The following NIF3L1 variants were observed in gnomAD, a reference collection of about 807,000 sequenced individuals.
The protein encoded by NIF3L1 is NIF3-like protein 1.
Under a neutral mutation model 35.0 loss-of-function variants are expected in NIF3L1, and 26 were observed. That is an observed-to-expected ratio of 0.74 (90% confidence interval 0.54 to 1.03). The LOEUF is 1.03. Ranked by LOEUF, NIF3L1 falls within the 50% of genes least tolerant of loss-of-function variation. The pLI, the probability that NIF3L1 is intolerant of heterozygous loss-of-function variation, is 0.00. For missense variants in NIF3L1, 449 were observed against 466.3 expected (o/e 0.96, Z 0.34); for synonymous variants, 157 against 178.9 (o/e 0.88, Z 0.98).
At chr2:200,899,139 GTT>G in intron 5 of NIF3L1, 1 of 368,190 alleles carries the variant, frequency 2.7e-6, no homozygotes, top group South Asian at 6.4e-5. Flanking sequence ...TACAAAGGTT[GTT>G]GAAAAAAAAA....
At chr2:200,889,735 G>T (rs1234409376) in intron 1 of NIF3L1, 83 bp downstream of exon 1, 2 of 152,424 alleles carry the variant, frequency 1.3e-5, no homozygotes, top group Non-Finnish European at 2.9e-5. Context: ...CTCTAGGACG[G>T]GAGTTGTTTC....
chr2:200,891,104 G>A (rs1287539122), intron 1 of NIF3L1, among the ~76,000 whole-genome samples: 2 of 152,050 alleles, frequency 1.3e-5, no homozygotes, highest in Non-Finnish European at 2.9e-5. Context: ...GACTACAGGT[G>A]CACACCACCA....
At chr2:200,899,595 T>A (rs1275735698) in intron 6 of NIF3L1, 127 bp downstream of exon 6, 5 of 623,294 alleles carry the variant, frequency 8.0e-6, no homozygotes, top group African/African-American at 1.8e-5. Flanking sequence ...AAACAGAAAC[T>A]ACAACAGAAC....
intron 3 of NIF3L1, 98 bp from the exon 4 acceptor site, chr2:200,895,166 C>T: frequency 8.5e-7 from 1 of 1,179,998 alleles, no homozygotes; most frequent in Non-Finnish European, 1.2e-6. Context: ...CTTGGTTCCA[C>T]ATAAATCTAA....
In NIF3L1 at chr2:200,892,127, C is replaced by T. The variant is rs1328584229; in HGVS notation, c.184C>T (p.His62Tyr). 2 of 1,614,210 alleles carry T rather than the reference C, an allele frequency of 1.2e-6. No homozygotes were observed. The highest frequency in any genetic ancestry group is 1.7e-5 in the Admixed American group (1 of 60,018). ...ATTACTGGTGGAACCAAGCCCACCA[C>T]ATACTGTAAATACACTCTTCCTGAC... Reference protein sequence around the residue: ...VGLLVEPSPPHTVNTLFLTND... With the variant: ...VGLLVEPSPPYTVNTLFLTND... The change falls in exon 2 of 7, where the codon CAT becomes TAT. Residue 62 changes from histidine to tyrosine, a missense_variant. Transcript: ENST00000409020.
At position 200,903,722 on chromosome 2, in the gene NIF3L1, G is replaced by A; in HGVS notation, c.*44G>A. ...AACACATTCTACAAATCAGCTGGAT[G>A]CCAACTTAAATTTGTAACATGAGTC... On this transcript the variant is annotated 3_prime_UTR_variant, in exon 7 of 7. Transcript: ENST00000409020. 1 of 1,523,466 alleles carries A rather than the reference G, an allele frequency of 6.6e-7. No individual in the cohort carries two copies. The highest frequency in any genetic ancestry group is 2.2e-5 in the East Asian group (1 of 44,464). The allele number at this position is 1,523,466 out of a possible 1,614,324, so 94.4% of individuals were successfully genotyped here.
chr2:200,903,664 C>T lies in NIF3L1; in HGVS notation c.1120C>T (p.Leu374Phe). Residue 374 changes from leucine (L) to phenylalanine (F), a missense_variant, in exon 7 of 7, where the codon CTT (leucine) becomes TTT (phenylalanine). Physicochemically the swap from Leu to Phe is conservative, Grantham distance 22. Coordinates refer to ENST00000409020, the MANE Select transcript of NIF3L1 (RefSeq NM_001369441.2). ...CCTATCAGAGACTGACAGGGACCCT[C>T]TTCAGGTGGTATAATTGCAGAAACA... ...IILSETDRDP[L>F]QVV is the part of the protein sequence containing the mutation. The T allele has an allele frequency of 1.2e-6, 2 of 1,612,964 alleles. No individual in the cohort carries two copies. Among genetic ancestry groups the T allele is most frequent in the South Asian group, 2.2e-5 (2 of 91,064 alleles).
chr2:200,897,556 C>T (rs1399987080), intron 5 of NIF3L1, among the ~76,000 whole-genome samples: 1 of 152,090 alleles, frequency 6.6e-6, no homozygotes, highest in African/African-American at 2.4e-5. Flanking sequence ...TTCTGCTCAA[C>T]TCATTTTCCA....
At position 200,903,707 on chromosome 2, in the gene NIF3L1, A is replaced by G. The variant is rs1189838561; in HGVS notation, c.*29A>G. ...CAGAAACATCAGGATAACACATTCT[A>G]CAAATCAGCTGGATGCCAACTTAAA... On this transcript the variant is annotated 3_prime_UTR_variant, in exon 7 of 7. Coordinates refer to ENST00000409020, the MANE Select transcript of NIF3L1 (RefSeq NM_001369441.2). 6.3e-7 allele frequency: 1 copy of G among 1,585,700 alleles called. No homozygotes were observed. Among genetic ancestry groups the G allele is most frequent in the Non-Finnish European group, 8.7e-7 (1 of 1,154,202 alleles).
chr2:200,903,438 T>G, intron 6 of NIF3L1, 56 bp from the exon 7 acceptor site: 1 of 1,432,852 alleles, frequency 7.0e-7, no homozygotes. Context: ...TTGTGTTTCC[T>G]CATTCCACAG....
chr2:200,899,617 T>C (rs2040379502), intron 6 of NIF3L1, 149 bp downstream of exon 6: 5 of 591,036 alleles, frequency 8.5e-6, no homozygotes, highest in South Asian at 4.5e-5. Context: ...GGGGACTTAC[T>C]GCATTCTTTG....
intron 6 of NIF3L1, among the ~76,000 whole-genome samples, chr2:200,901,738 A>G (rs557994370): frequency 2.0e-5 from 3 of 152,108 alleles, no homozygotes; most frequent in Admixed American, 2.0e-4. Flanking sequence ...TTCATTCTCC[A>G]TTTGCTTATT....
chr2:200,903,090 G>A (rs1241639262), intron 6 of NIF3L1, among the ~76,000 whole-genome samples: 2 of 152,094 alleles, frequency 1.3e-5, no homozygotes, highest in Non-Finnish European at 2.9e-5. Flanking sequence ...CAACCTCCAG[G>A]CCCTGGACTG....
intron 3 of NIF3L1, 89 bp downstream of exon 3, chr2:200,893,497 AC>A: frequency 7.8e-7 from 1 of 1,279,170 alleles, no homozygotes; most frequent in Non-Finnish European, 1.1e-6. Flanking sequence ...TAGGCTTGAA[AC>A]AAATAGTTTT....
rs202181176 is a variant in NIF3L1, at chr2:200,893,455, A to G, written c.599+47A>G. On this transcript the variant is annotated intron_variant, in intron 3 of 6. Coordinates refer to ENST00000409020, the MANE Select transcript of NIF3L1 (RefSeq NM_001369441.2). ...TTTTTGTGTGTATTTATTGGTAAGC[A>G]TCTTCCTTACAAAGTCTATAACCCT... The G allele has an allele frequency of 2.6e-4, 413 of 1,577,022 alleles. 1 individual carries two copies. The highest frequency in any genetic ancestry group is 2.5e-3 in the South Asian group (224 of 89,904).
intron 1 of NIF3L1, chr2:200,891,700 G>A: frequency 1.9e-6 from 1 of 536,588 alleles, no homozygotes; most frequent in Non-Finnish European, 3.3e-6. Context: ...CCTCTGGATG[G>A]CCTGTGAAGT....
chr2:200,895,285 A>T lies in NIF3L1; in HGVS notation c.621A>T (p.Thr207=), dbSNP rs767482705. The T allele has an allele frequency of 6.2e-7, 1 of 1,614,036 alleles. No homozygotes were observed. Among genetic ancestry groups the T allele is most frequent in the Non-Finnish European group, 8.5e-7 (1 of 1,179,910 alleles). The change falls in exon 4 of 7, where the codon ACA becomes ACT. Residue 207 remains threonine, a synonymous_variant. Transcript: ENST00000409020. ...CTAGGACTGGTAATGAGGAACAAAC[A>T]CGGATTAATCTGAATTGTACTCAGA... ...FSARTGNEEQ[T]RINLNCTQKA... is the part of the protein sequence containing the mutation.
At chr2:200,896,854 G>A (rs2040325356) in intron 4 of NIF3L1, among the ~76,000 whole-genome samples, 2 of 152,150 alleles carry the variant, frequency 1.3e-5, no homozygotes, top group Admixed American at 6.6e-5. Flanking sequence ...AAAGTGCTAG[G>A]ATTATAGGCA....
At chr2:200,900,930 T>C (rs1004366546) in intron 6 of NIF3L1, among the ~76,000 whole-genome samples, 8 of 152,248 alleles carry the variant, frequency 5.3e-5, no homozygotes, top group Non-Finnish European at 1.2e-4. Flanking sequence ...TATATATGTG[T>C]CTATACACAT....
Sources: allele counts gnomAD v4.1 joint callset (sites outside exome capture counted in the v4.1 genomes callset), GRCh38; gene constraint gnomAD v4.1.1; transcripts MANE v1.5; gene names NCBI Gene and HGNC (gene_info 2026-07-23, HGNC 2026-07-21).